Variants in PTPRC observed in about 807,000 individuals in gnomAD.
PTPRC encodes receptor-type tyrosine-protein phosphatase C.
Under a neutral mutation model 155.9 loss-of-function variants are expected in PTPRC, and 44 were observed. The ratio of observed to expected loss-of-function variants is 0.28; its 90% CI spans 0.22 to 0.36. The LOEUF (loss-of-function observed/expected upper bound fraction) is 0.36. Among genes scored for constraint, PTPRC ranks in the 10% least tolerant of loss-of-function variants. The probability of loss-of-function intolerance (pLI) is 1.00; values close to 1 mark genes in which losing one functional copy is unlikely to be tolerated. For synonymous variants in PTPRC, 525 were observed against 533.1 expected (o/e 0.98, Z 0.21); for missense variants, 1,401 against 1,564.6 (o/e 0.90, Z 1.76).
intron 3 of PTPRC, chr1:198,694,209 G>A (rs182983679): frequency 1.0e-4 from 142 of 1,422,660 alleles, no homozygotes; most frequent in Non-Finnish European, 1.1e-4. Context: ...CAGCCAGCAC[G>A]AGAGAAAGAT....
Position 198,741,981 on chromosome 1 carries a change from A to G in PTPRC, c.2516A>G (p.Asn839Ser), listed in dbSNP as rs768860842. ...HLLLKLRRRV[N>S]AFSNFFSGPI... ...CTCCTCAAACTGAGAAGGAGAGTGA[A>G]TGCCTTCAGCAATTTCTTCAGTGGT... Residue 839 changes from asparagine to serine, a missense_variant, in exon 24 of 33, where the codon AAT (asparagine) becomes AGT (serine). This residue lies in a region of PTPRC where 134 missense variants were observed against 204.7 expected (regional missense o/e 0.65). Coordinates refer to ENST00000442510, the MANE Select transcript of PTPRC (RefSeq NM_002838.5). 5 of 1,611,942 alleles carry G rather than the reference A, an allele frequency of 3.1e-6. No individual in the cohort carries two copies. The South Asian group carries it at 4.4e-5, about 14-fold the overall frequency.
At chr1:198,664,941 A>G in intron 2 of PTPRC, among the ~76,000 whole-genome samples, 1 of 151,984 alleles carries the variant, frequency 6.6e-6, no homozygotes, top group African/African-American at 2.4e-5. Flanking sequence ...AATATGCTAT[A>G]TTTTTTCCCT....
intron 2 of PTPRC, among the ~76,000 whole-genome samples, chr1:198,668,831 T>C (rs1664479001): frequency 6.6e-6 from 1 of 152,142 alleles, no homozygotes; most frequent in African/African-American, 2.4e-5. Context: ...TTTAGGTGAA[T>C]AGATATGTAT....
intron 2 of PTPRC, among the ~76,000 whole-genome samples, chr1:198,677,652 T>C (rs967036068): frequency 6.6e-6 from 1 of 152,302 alleles, no homozygotes; most frequent in Non-Finnish European, 1.5e-5. Context: ...AATGTGGCTA[T>C]AGTATGATCA....
chr1:198,706,176 T>C lies in PTPRC; in HGVS notation c.686-558T>C, dbSNP rs535768768. On this transcript the variant is annotated intron_variant, in intron 8 of 32. Transcript: ENST00000442510. ...GATATTTTTATCAGTCAGCAGAAAT[T>C]GTTGACACTAAACAAAGGTGCTTTG... 1.2e-4 allele frequency among the ~76,000 whole-genome samples: 18 copies of C among 152,366 alleles called. No homozygotes were observed. The East Asian group carries it at 3.1e-3, about 26-fold the overall frequency.
intron 2 of PTPRC, among the ~76,000 whole-genome samples, chr1:198,655,524 T>G (rs545021111): frequency 1.3e-4 from 20 of 152,196 alleles, no homozygotes; most frequent in African/African-American, 4.8e-4. Context: ...TTAGGCATTT[T>G]GGGACAAGTT....
At chr1:198,725,827 CT>C (rs1450877685) in intron 15 of PTPRC, among the ~76,000 whole-genome samples, 2 of 152,176 alleles carry the variant, frequency 1.3e-5, no homozygotes, top group East Asian at 1.9e-4. Flanking sequence ...CTCAGGCATT[CT>C]GAGTAAATGG....
chr1:198,682,931 A>G (rs185273007), intron 2 of PTPRC, among the ~76,000 whole-genome samples: 18 of 152,316 alleles, frequency 1.2e-4, no homozygotes, highest in African/African-American at 4.1e-4. Context: ...ATGGTTATAC[A>G]TAATATTTAC....
chr1:198,711,125 G>A (rs16843753), intron 11 of PTPRC, among the ~76,000 whole-genome samples: 8,176 of 152,132 alleles, frequency 0.054, 282 homozygotes, highest in East Asian at 0.14. Flanking sequence ...TGCCCGGCCC[G>A]TGATTCTAAG....
At chr1:198,704,418 G>A in intron 7 of PTPRC, 54 bp from the exon 8 acceptor site, 2 of 1,612,004 alleles carry the variant, frequency 1.2e-6, no homozygotes, top group Non-Finnish European at 8.5e-7. Flanking sequence ...AAATGACATG[G>A]CAGATATTCT....
At chr1:198,705,593 G>A (rs1474495757) in intron 8 of PTPRC, among the ~76,000 whole-genome samples, 1 of 151,648 alleles carries the variant, frequency 6.6e-6, no homozygotes, top group Non-Finnish European at 1.5e-5. Context: ...GCTGATTTTT[G>A]TATTTTTAGT....
Position 198,742,369 on chromosome 1 carries a change from T to G in PTPRC, c.2697+2T>G. ...AGATGCCTGATGGTTCAAGTAGAGG[T>G]ATGTTCTAACCTTTAGTGATTATTC... On this transcript the variant is annotated splice_donor_variant, in intron 25 of 32. Transcript: ENST00000442510. LOFTEE classifies it high-confidence loss of function. 1 of 1,611,866 alleles carries G rather than the reference T, an allele frequency of 6.2e-7. No individual in the cohort carries two copies. The highest frequency in any genetic ancestry group is 8.5e-7 in the Non-Finnish European group (1 of 1,178,520).
chr1:198,660,010 T>C (rs960732079), intron 2 of PTPRC, among the ~76,000 whole-genome samples: 3 of 134,886 alleles, frequency 2.2e-5, no homozygotes, highest in African/African-American at 2.8e-5. Flanking sequence ...TATATAGATA[T>C]ATTTGTCCAT....
chr1:198,689,640 C>T (rs763650448), intron 2 of PTPRC, among the ~76,000 whole-genome samples: 1 of 152,170 alleles, frequency 6.6e-6, no homozygotes, highest in East Asian at 1.9e-4. Context: ...AGTGCTTGCT[C>T]CTTGGCTCTT....
rs765927930 is a variant in PTPRC at position 198,699,636 on chromosome 1, C to T, written c.371C>T (p.Thr124Met). 7 of 1,614,112 alleles carry T rather than the reference C, an allele frequency of 4.3e-6. No individual in the cohort carries two copies. Among genetic ancestry groups the T allele is most frequent in the Non-Finnish European group, 5.1e-6 (6 of 1,180,040 alleles). Residue 124 changes from threonine to methionine, a missense_variant, in exon 5 of 33, where the codon ACG becomes ATG. Transcript: ENST00000442510. ...CAGACGCCCTCTGCTGGAACTGACA[C>T]GCAGACATTCAGCGGCTCCGCCGCC... Reference protein sequence around the residue: ...DSQTPSAGTDTQTFSGSAANA... With the variant: ...DSQTPSAGTDMQTFSGSAANA...
intron 3 of PTPRC, chr1:198,695,057 T>A: frequency 1.1e-6 from 1 of 923,144 alleles, no homozygotes; most frequent in Non-Finnish European, 1.3e-6. Context: ...AATCACAGAA[T>A]AGTTCTGCAA....
intron 5 of PTPRC, chr1:198,699,907 G>T: frequency 1.5e-6 from 1 of 677,462 alleles, no homozygotes; most frequent in Non-Finnish European, 2.5e-6. Context: ...TGAGAATTGT[G>T]AGACTACAGC....
intron 2 of PTPRC, among the ~76,000 whole-genome samples, chr1:198,643,538 T>C (rs1161443153): frequency 1.3e-5 from 2 of 151,490 alleles, no homozygotes; most frequent in East Asian, 3.9e-4. Context: ...CTTTTTGTTT[T>C]TGTTTGTTTG....
At chr1:198,671,116 TG>T (rs1241806322) in intron 2 of PTPRC, among the ~76,000 whole-genome samples, 5 of 151,570 alleles carry the variant, frequency 3.3e-5, no homozygotes, top group Non-Finnish European at 7.4e-5. Context: ...TTTTTTGAAA[TG>T]TAAAAAAAAA....
Sources: allele counts gnomAD v4.1 joint callset (sites outside exome capture counted in the v4.1 genomes callset), GRCh38; gene constraint gnomAD v4.1.1; regional missense constraint gnomAD v4.1.1; transcripts MANE v1.5; gene names NCBI Gene and HGNC (gene_info 2026-07-23, HGNC 2026-07-21).